GHR: variants seen among roughly 807,000 people sequenced by gnomAD.
GHR encodes growth hormone receptor.
Under a neutral mutation model 67.1 loss-of-function variants are expected in GHR, and 35 were observed. That is an observed-to-expected ratio of 0.52 (90% CI 0.40 to 0.69). The LOEUF (loss-of-function observed/expected upper bound fraction) is 0.69, where lower values mean the gene tolerates loss of function less well. Among genes scored for constraint, GHR ranks in the 30% least tolerant of loss-of-function variants. The probability of loss-of-function intolerance (pLI) is 0.00; values close to 1 mark genes in which losing one functional copy is unlikely to be tolerated. For missense variants in GHR, 792 were observed against 764.6 expected (o/e 1.04, Z -0.42); for synonymous variants, 272 against 269.1 (o/e 1.01, Z -0.10).
intron 1 of GHR, among the ~76,000 whole-genome samples, chr5:42,427,668 T>C (rs1742912546): frequency 6.6e-6 from 1 of 151,814 alleles, no homozygotes; most frequent in Non-Finnish European, 1.5e-5. Flanking sequence ...AACTCAAAAA[T>C]CCACAGTCCA....
chr5:42,629,509 C>T (rs1753849246), intron 3 of GHR, among the ~76,000 whole-genome samples: 1 of 131,736 alleles, frequency 7.6e-6, no homozygotes, highest in African/African-American at 3.2e-5. Context: ...GACACCTGCT[C>T]CGCTTCACCA....
chr5:42,706,097 T>C (rs936687261), intron 6 of GHR, among the ~76,000 whole-genome samples: 2 of 152,158 alleles, frequency 1.3e-5, no homozygotes, highest in Non-Finnish European at 2.9e-5. Flanking sequence ...CTGACTGCTG[T>C]GATGTAGTAT....
chr5:42,546,398 A>G (rs562283975), intron 1 of GHR, among the ~76,000 whole-genome samples: 2 of 152,282 alleles, frequency 1.3e-5, no homozygotes, highest in East Asian at 1.9e-4. Flanking sequence ...GGTCCAGCCC[A>G]TCAGCATCCA....
chr5:42,513,358 C>G (rs558358857), intron 1 of GHR, among the ~76,000 whole-genome samples: 1 of 152,320 alleles, frequency 6.6e-6, no homozygotes, highest in Admixed American at 6.5e-5. Flanking sequence ...CTCTAGTCTT[C>G]TCTCTCCCAT....
intron 7 of GHR, among the ~76,000 whole-genome samples, chr5:42,712,345 C>A (rs891436877): frequency 1.3e-5 from 2 of 151,832 alleles, no homozygotes; most frequent in African/African-American, 4.9e-5. Flanking sequence ...AATAGCTATA[C>A]ACCCTTAAGC....
chr5:42,690,273 G>A (rs1757363999), intron 4 of GHR, among the ~76,000 whole-genome samples: 1 of 152,212 alleles, frequency 6.6e-6, no homozygotes, highest in Non-Finnish European at 1.5e-5. Context: ...CTGCACTTCA[G>A]TGTAGTTCTG....
intron 1 of GHR, among the ~76,000 whole-genome samples, chr5:42,474,164 G>A (rs1186995478): frequency 1.3e-5 from 2 of 150,422 alleles, no homozygotes; most frequent in African/African-American, 4.9e-5. Flanking sequence ...ACTCCAACCT[G>A]AGCAACAGAA....
intron 2 of GHR, among the ~76,000 whole-genome samples, chr5:42,609,209 G>A (rs1194033732): frequency 6.6e-6 from 1 of 152,118 alleles, no homozygotes; most frequent in Non-Finnish European, 1.5e-5. Context: ...CTGAGCAGTG[G>A]GAGAGGAGCA....
At chr5:42,448,142 T>C (rs1270173448) in intron 1 of GHR, among the ~76,000 whole-genome samples, 5 of 152,206 alleles carry the variant, frequency 3.3e-5, no homozygotes, top group Non-Finnish European at 5.9e-5. Flanking sequence ...ATGGTATTTC[T>C]ACTTTTAGTT....
At chr5:42,572,788 A>G (rs1415722494) in intron 2 of GHR, among the ~76,000 whole-genome samples, 1 of 152,226 alleles carries the variant, frequency 6.6e-6, no homozygotes, top group East Asian at 1.9e-4. Flanking sequence ...ATGGTGGATC[A>G]TGTCTTAACC....
intron 2 of GHR, among the ~76,000 whole-genome samples, chr5:42,593,287 GT>G (rs1241049488): frequency 5.9e-5 from 9 of 152,140 alleles, no homozygotes; most frequent in Non-Finnish European, 1.3e-4. Context: ...ATAAATGCTT[GT>G]TTAATGAGTA....
intron 3 of GHR, among the ~76,000 whole-genome samples, chr5:42,631,707 GA>G (rs1410111827): frequency 6.6e-6 from 1 of 152,110 alleles, no homozygotes; most frequent in Non-Finnish European, 1.5e-5. Context: ...AATGTCCTGA[GA>G]ATATACAATT....
chr5:42,468,198 G>T, intron 1 of GHR: 1 of 1,422,360 alleles, frequency 7.0e-7, no homozygotes, highest in Non-Finnish European at 9.9e-7. Flanking sequence ...AGACTTTGAT[G>T]TTCTCAGAGT....
intron 2 of GHR, among the ~76,000 whole-genome samples, chr5:42,607,557 A>G (rs1042188354): frequency 6.6e-6 from 1 of 152,222 alleles, no homozygotes; most frequent in African/African-American, 2.4e-5. Flanking sequence ...ACAAAATAAC[A>G]GCAAATAACA....
chr5:42,674,044 G>A (rs747199647), intron 3 of GHR, among the ~76,000 whole-genome samples: 1 of 152,108 alleles, frequency 6.6e-6, no homozygotes, highest in Non-Finnish European at 1.5e-5. Context: ...TAGACCTTCT[G>A]CCAGCTACTA....
intron 8 of GHR, 33 bp downstream of exon 8, chr5:42,713,552 T>C: frequency 1.1e-6 from 1 of 903,568 alleles, no homozygotes; most frequent in Non-Finnish European, 1.8e-6. Flanking sequence ...TGGTATTTTG[T>C]ACCAGTTGTT....
chr5:42,487,380 C>A (rs887599909), intron 1 of GHR, among the ~76,000 whole-genome samples: 2 of 152,218 alleles, frequency 1.3e-5, no homozygotes, highest in Middle Eastern at 6.8e-3. Context: ...TTAACGTAAG[C>A]GTTGGCAAAA....
At chr5:42,579,854 A>G (rs936690281) in intron 2 of GHR, among the ~76,000 whole-genome samples, 1 of 152,116 alleles carries the variant, frequency 6.6e-6, no homozygotes, top group African/African-American at 2.4e-5. Flanking sequence ...ATTAACGTGG[A>G]ACATTCCACG....
chr5:42,527,199 A>G (rs1747740794), intron 1 of GHR, among the ~76,000 whole-genome samples: 1 of 152,182 alleles, frequency 6.6e-6, no homozygotes, highest in Non-Finnish European at 1.5e-5. Context: ...TAACAACACA[A>G]TGACACTATC....
Sources: allele counts gnomAD v4.1 joint callset (sites outside exome capture counted in the v4.1 genomes callset), GRCh38; gene constraint gnomAD v4.1.1; transcripts MANE v1.5; gene names NCBI Gene and HGNC (gene_info 2026-07-23, HGNC 2026-07-21).